Variants in RPTOR observed in about 807,000 individuals in gnomAD.
RPTOR encodes regulatory associated protein of MTOR complex 1.
Under a neutral mutation model 169.9 loss-of-function variants are expected in RPTOR, and 21 were observed. The observed-to-expected ratio is 0.12, with a 90% CI of 0.09 to 0.18. The LOEUF is 0.18. Among genes scored for constraint, RPTOR ranks in the 10% least tolerant of loss-of-function variants. The pLI is 1.00. For synonymous variants in RPTOR, 732 were observed against 753.2 expected (o/e 0.97, Z 0.46); for missense variants, 1,133 against 1,855.9 (o/e 0.61, Z 7.16).
chr17:80,763,657 G>T (rs2066757173), intron 6 of RPTOR, among the ~76,000 whole-genome samples: 1 of 152,194 alleles, frequency 6.6e-6, no homozygotes, highest in African/African-American at 2.4e-5. Context: ...ATCCAACAGG[G>T]AATGTGGACA....
chr17:80,561,249 ATGTATATATATATG>A (rs1251048816), intron 1 of RPTOR, among the ~76,000 whole-genome samples: 567 of 6,672 alleles, frequency 0.085, 6 homozygotes, highest in East Asian at 0.32. Flanking sequence ...TTATATATAT[ATGTATATATATATG>A]TATATATATA....
In RPTOR at chr17:80,859,693, C is replaced by T. The variant is rs147252194; in HGVS notation, c.1509+1793C>T. Among the ~76,000 whole-genome samples, 105 of 152,326 alleles carry T rather than the reference C, an allele frequency of 6.9e-4. 3 individuals carry two copies. The East Asian group carries it at 0.019, about 28-fold the overall frequency. ...TGTAGGAGCAGGTCCACGTTCCCCC[C>T]GGACTTCGGCCAGCTGCTGTGTGCA... is the stretch of plus-strand genomic sequence containing the variant. On this transcript the variant is annotated intron_variant, in intron 13 of 33. Coordinates refer to ENST00000306801, the MANE Select transcript of RPTOR (RefSeq NM_020761.3).
chr17:80,645,830 T>C (rs981421721), intron 3 of RPTOR, among the ~76,000 whole-genome samples: 2 of 152,124 alleles, frequency 1.3e-5, no homozygotes, highest in East Asian at 3.9e-4. Context: ...GAGGATTCCC[T>C]GCCCATGACA....
intron 13 of RPTOR, among the ~76,000 whole-genome samples, chr17:80,872,973 C>T (rs1006584022): frequency 3.9e-5 from 6 of 152,218 alleles, no homozygotes; most frequent in Non-Finnish European, 8.8e-5. Flanking sequence ...CAGCCTAGAG[C>T]GGGCCCCCCA....
intron 26 of RPTOR, 57 bp downstream of exon 26, chr17:80,945,838 CCT>C: frequency 1.0e-6 from 1 of 997,840 alleles, no homozygotes; most frequent in African/African-American, 1.7e-5. Flanking sequence ...CCAGCGATGC[CCT>C]GTTCTCCCCC....
chr17:80,580,185 G>C (rs2065002383), intron 1 of RPTOR, among the ~76,000 whole-genome samples: 1 of 151,026 alleles, frequency 6.6e-6, no homozygotes, highest in Non-Finnish European at 1.5e-5. Flanking sequence ...AGACATTTAG[G>C]TTGCTTCTGA....
At chr17:80,584,130 C>T (rs898886116) in intron 1 of RPTOR, among the ~76,000 whole-genome samples, 3 of 152,160 alleles carry the variant, frequency 2.0e-5, no homozygotes, top group Non-Finnish European at 2.9e-5. Flanking sequence ...AGGAGACCCC[C>T]GCTTTTATCT....
chr17:80,617,779 A>G (rs1278881020), intron 1 of RPTOR, among the ~76,000 whole-genome samples: 1 of 152,100 alleles, frequency 6.6e-6, no homozygotes, highest in Non-Finnish European at 1.5e-5. Flanking sequence ...CTAGCTCCTC[A>G]CGCAGTCCTT....
At chr17:80,591,683 T>G (rs913249527) in intron 1 of RPTOR, among the ~76,000 whole-genome samples, 1 of 152,150 alleles carries the variant, frequency 6.6e-6, no homozygotes, top group African/African-American at 2.4e-5. Context: ...CCAGCCTTTC[T>G]TTCTTGATTA....
intron 1 of RPTOR, among the ~76,000 whole-genome samples, chr17:80,567,740 C>T (rs891669068): frequency 1.3e-5 from 2 of 150,894 alleles, no homozygotes; most frequent in Admixed American, 6.6e-5. Flanking sequence ...TGCAGCGAGC[C>T]GAGATCGCGC....
At chr17:80,591,408 T>C (rs1478976530) in intron 1 of RPTOR, among the ~76,000 whole-genome samples, 2 of 149,122 alleles carry the variant, frequency 1.3e-5, no homozygotes, top group Non-Finnish European at 3.0e-5. Context: ...AGATGGAGTG[T>C]TGCTCTGTCA....
At chr17:80,567,747 G>A (rs1166842482) in intron 1 of RPTOR, among the ~76,000 whole-genome samples, 3 of 151,396 alleles carry the variant, frequency 2.0e-5, no homozygotes, top group African/African-American at 4.9e-5. Context: ...AGCCGAGATC[G>A]CGCCACTGCC....
chr17:80,736,301 A>G (rs998834568), intron 5 of RPTOR, among the ~76,000 whole-genome samples: 21 of 152,270 alleles, frequency 1.4e-4, no homozygotes, highest in African/African-American at 4.3e-4. Flanking sequence ...TCTAAACACA[A>G]TTGTGTGGTC....
intron 25 of RPTOR, chr17:80,941,959 G>A (rs1207824346): frequency 6.6e-6 from 1 of 152,276 alleles, no homozygotes; most frequent in Non-Finnish European, 1.5e-5. Flanking sequence ...CGCAGACGGT[G>A]GCTGTTGTGC....
intron 24 of RPTOR, among the ~76,000 whole-genome samples, chr17:80,933,744 T>C (rs1598409724): frequency 6.6e-6 from 1 of 152,242 alleles, no homozygotes; most frequent in East Asian, 1.9e-4. Context: ...TACCATGGCA[T>C]TGGCTTAAGA....
intron 6 of RPTOR, among the ~76,000 whole-genome samples, chr17:80,778,890 C>T (rs1000477886): frequency 3.9e-5 from 6 of 152,190 alleles, no homozygotes; most frequent in Admixed American, 6.5e-5. Flanking sequence ...ACCTCATGTG[C>T]GGTGTCTGGC....
At chr17:80,812,596 G>A (rs2067284426) in intron 7 of RPTOR, among the ~76,000 whole-genome samples, 1 of 152,098 alleles carries the variant, frequency 6.6e-6, no homozygotes, top group African/African-American at 2.4e-5. Context: ...CCCTTTTTTG[G>A]AGTTGCCAGA....
intron 10 of RPTOR, among the ~76,000 whole-genome samples, chr17:80,838,778 C>T (rs1397968904): frequency 6.6e-6 from 1 of 152,226 alleles, no homozygotes; most frequent in Non-Finnish European, 1.5e-5. Flanking sequence ...ACCTGAGACA[C>T]CACCGTGTCA....
intron 3 of RPTOR, among the ~76,000 whole-genome samples, chr17:80,650,019 G>A (rs577521540): frequency 2.6e-5 from 4 of 152,358 alleles, no homozygotes; most frequent in African/African-American, 9.6e-5. Flanking sequence ...GCATAAAGGT[G>A]TTGTCACCTA....
Sources: allele counts gnomAD v4.1 joint callset (sites outside exome capture counted in the v4.1 genomes callset), GRCh38; gene constraint gnomAD v4.1.1; transcripts MANE v1.5; gene names NCBI Gene and HGNC (gene_info 2026-07-23, HGNC 2026-07-21).